Variants in RANBP2 observed in about 807,000 individuals in gnomAD.
RANBP2 encodes the protein RAN binding protein 2.
Under a neutral mutation model 303.6 loss-of-function variants are expected in RANBP2, and 57 were observed. The ratio of observed to expected loss-of-function variants is 0.19; its 90% CI spans 0.15 to 0.23. RANBP2 has a LOEUF of 0.23. RANBP2 is among the 10% of genes least tolerant of loss of function. RANBP2 has a pLI of 1.00. For synonymous variants in RANBP2, 1,167 were observed against 1,301.5 expected (o/e 0.90, Z 2.23); for missense variants, 3,138 against 3,780.8 (o/e 0.83, Z 4.46).
At chr2:109,440,106 C>T in the RANBP2 span, among the ~76,000 whole-genome samples, 1 of 152,236 alleles carries the variant, frequency 6.6e-6, no homozygotes, top group Non-Finnish European at 1.5e-5. Flanking sequence ...TGAGGAATAG[C>T]ATAACTCTTG....
At chr2:109,316,483 C>T in the RANBP2 span, among the ~76,000 whole-genome samples, 47,366 of 151,966 alleles carry the variant, frequency 0.31, 9,137 homozygotes, top group African/African-American at 0.55. Flanking sequence ...ACAAGGTAGC[C>T]CATGACATGG....
chr2:109,118,000 C>T, the RANBP2 span, among the ~76,000 whole-genome samples: 52 of 152,280 alleles, frequency 3.4e-4, no homozygotes, highest in East Asian at 1.2e-3. Context: ...GCTCACTCTC[C>T]AGGGTTGCGC....
the RANBP2 span, among the ~76,000 whole-genome samples, chr2:108,816,877 TG>T: frequency 6.6e-6 from 1 of 152,142 alleles, no homozygotes; most frequent in African/African-American, 2.4e-5. Context: ...AAAAAATTTT[TG>T]TAGAGATCAG....
At chr2:109,486,962 G>A in the RANBP2 span, among the ~76,000 whole-genome samples, 3 of 152,190 alleles carry the variant, frequency 2.0e-5, no homozygotes, top group Admixed American at 6.5e-5. Context: ...TGAACTGATT[G>A]GAGCCTGGCC....
At chr2:108,946,892 T>G in the RANBP2 span, among the ~76,000 whole-genome samples, 11 of 127,272 alleles carry the variant, frequency 8.6e-5, no homozygotes, top group Non-Finnish European at 1.4e-4. Context: ...CTCCCAAATC[T>G]CATCTTTTTT....
the RANBP2 span, among the ~76,000 whole-genome samples, chr2:108,808,457 G>C: frequency 6.6e-6 from 1 of 152,130 alleles, no homozygotes; most frequent in African/African-American, 2.4e-5. Flanking sequence ...CGTAATGGCT[G>C]TGCTAATTTA....
the RANBP2 span, among the ~76,000 whole-genome samples, chr2:109,075,868 G>T: frequency 7.3e-5 from 11 of 150,262 alleles, no homozygotes; most frequent in Non-Finnish European, 1.0e-4. Flanking sequence ...GGCTTTCATG[G>T]ATTCAAAGAA....
the RANBP2 span, among the ~76,000 whole-genome samples, chr2:108,874,802 A>G: frequency 6.6e-6 from 1 of 152,092 alleles, no homozygotes; most frequent in Non-Finnish European, 1.5e-5. Flanking sequence ...TGCAGACTAT[A>G]CCGTGATTCT....
chr2:109,506,703 C>T, the RANBP2 span, among the ~76,000 whole-genome samples: 8 of 152,224 alleles, frequency 5.3e-5, no homozygotes, highest in Non-Finnish European at 1.0e-4. Flanking sequence ...GTTGTTAGCT[C>T]TGAATTAAAT....
At chr2:109,508,002 A>G in the RANBP2 span, among the ~76,000 whole-genome samples, 1 of 152,112 alleles carries the variant, frequency 6.6e-6, no homozygotes, top group African/African-American at 2.4e-5. Flanking sequence ...TGCTTCAGGC[A>G]TAGCTGGGTC....
chr2:109,284,179 G>A, the RANBP2 span, among the ~76,000 whole-genome samples: 1 of 152,184 alleles, frequency 6.6e-6, no homozygotes, highest in Non-Finnish European at 1.5e-5. Context: ...GGGGAAGGGG[G>A]TTGGGGCCTG....
the RANBP2 span, among the ~76,000 whole-genome samples, chr2:109,430,634 GTTT>G: frequency 6.6e-6 from 1 of 152,138 alleles, no homozygotes; most frequent in African/African-American, 2.4e-5. Context: ...GGCTGCAGTT[GTTT>G]GTCATTTTCA....
chr2:109,260,082 CT>C, the RANBP2 span, among the ~76,000 whole-genome samples: 7 of 152,078 alleles, frequency 4.6e-5, no homozygotes, highest in Admixed American at 6.5e-5. Context: ...CTGGGAATAC[CT>C]TTTTGAGAGT....
chr2:109,326,500 G>GCA, the RANBP2 span, among the ~76,000 whole-genome samples: 1 of 152,132 alleles, frequency 6.6e-6, no homozygotes, highest in Non-Finnish European at 1.5e-5. Flanking sequence ...CGCCCTTGCC[G>GCA]ACACTTGCTG....
chr2:109,731,274 G>A, the RANBP2 span, among the ~76,000 whole-genome samples: 9 of 152,130 alleles, frequency 5.9e-5, no homozygotes, highest in South Asian at 4.1e-4. Flanking sequence ...TTTGTGTATC[G>A]GGAGTTGGTC....
At chr2:109,247,793 G>T in the RANBP2 span, among the ~76,000 whole-genome samples, 1 of 152,136 alleles carries the variant, frequency 6.6e-6, no homozygotes, top group Non-Finnish European at 1.5e-5. Flanking sequence ...TTAACTCACT[G>T]TTGTGTGTGT....
chr2:109,420,507 G>C, the RANBP2 span, among the ~76,000 whole-genome samples: 1 of 152,060 alleles, frequency 6.6e-6, no homozygotes, highest in African/African-American at 2.4e-5. Flanking sequence ...GTGCAATGGC[G>C]CGATCCCGGC....
the RANBP2 span, among the ~76,000 whole-genome samples, chr2:109,799,161 C>G: frequency 2.0e-4 from 14 of 71,048 alleles, no homozygotes. Flanking sequence ...CCAGCTTGTA[C>G]CCGGGACGCA....
chr2:109,603,918 T>C, the RANBP2 span, among the ~76,000 whole-genome samples: 2 of 151,794 alleles, frequency 1.3e-5, no homozygotes, highest in African/African-American at 2.4e-5. Context: ...TCCCAGCACT[T>C]TGGGAGGCCG....
Sources: gnomAD v4.1 joint callset for allele counts (sites outside exome capture counted in the v4.1 genomes callset) on GRCh38, gnomAD v4.1.1 for gene constraint, MANE v1.5 for transcripts, NCBI Gene and HGNC (gene_info 2026-07-23, HGNC 2026-07-21) for gene names.